Variants in HNRNPM observed in about 807,000 individuals in gnomAD.
HNRNPM encodes CEA receptor.
HNRNPM carries 11 observed loss-of-function variants against 73.1 expected under a neutral mutation model. That is an observed-to-expected ratio of 0.15 (90% CI 0.09 to 0.25). The LOEUF (loss-of-function observed/expected upper bound fraction) is 0.25. Ranked by LOEUF, HNRNPM falls within the 10% of genes least tolerant of loss-of-function variation. HNRNPM has a pLI of 1.00. For missense variants in HNRNPM, 789 were observed against 1,067.9 expected, an observed-to-expected ratio of 0.74 and a Z score of 3.64; for synonymous variants, 407 against 355.2, an observed-to-expected ratio of 1.15 and a Z score of -1.64.
intron 2 of HNRNPM, among the ~76,000 whole-genome samples, chr19:8,455,780 C>T (rs1462359184): frequency 1.3e-5 from 2 of 148,842 alleles, no homozygotes; most frequent in South Asian, 2.1e-4. Context: ...TGTGGTCATA[C>T]CCCTGTGTGT....
intron 2 of HNRNPM, among the ~76,000 whole-genome samples, chr19:8,456,005 T>C (rs1322683600): frequency 6.6e-6 from 1 of 151,612 alleles, no homozygotes; most frequent in South Asian, 2.1e-4. Flanking sequence ...TAAAATTTTG[T>C]GGATGTCTTC....
chr19:8,450,167 C>G (rs1262019980), intron 1 of HNRNPM, among the ~76,000 whole-genome samples: 1 of 152,180 alleles, frequency 6.6e-6, no homozygotes, highest in Non-Finnish European at 1.5e-5. Context: ...TGAGGGATTT[C>G]TGTGAAGAAT....
At chr19:8,459,695 A>G (rs970097641) in intron 2 of HNRNPM, among the ~76,000 whole-genome samples, 1 of 152,204 alleles carries the variant, frequency 6.6e-6, no homozygotes, top group Non-Finnish European at 1.5e-5. Context: ...ACAAAAACAA[A>G]TACTCATTTG....
intron 1 of HNRNPM, among the ~76,000 whole-genome samples, chr19:8,446,900 A>G (rs1050141584): frequency 4.6e-5 from 7 of 152,128 alleles, no homozygotes; most frequent in Admixed American, 2.6e-4. Flanking sequence ...GAATGTGTTA[A>G]TTTTGACTTT....
At chr19:8,457,428 A>T (rs2145637417) in intron 2 of HNRNPM, among the ~76,000 whole-genome samples, 1 of 152,284 alleles carries the variant, frequency 6.6e-6, no homozygotes, top group South Asian at 2.1e-4. Context: ...ACTGCTACGA[A>T]TGCCTGGGCT....
At chr19:8,471,050 CA>C in intron 9 of HNRNPM, among the ~76,000 whole-genome samples, 1 of 152,232 alleles carries the variant, frequency 6.6e-6, no homozygotes, top group East Asian at 1.9e-4. Context: ...GTTAGTGAAA[CA>C]AATAGGCTCT....
At chr19:8,463,428 A>C in intron 3 of HNRNPM, 69 bp from the exon 4 acceptor site, 2 of 1,478,054 alleles carry the variant, frequency 1.4e-6, no homozygotes, top group Non-Finnish European at 9.5e-7. Flanking sequence ...TGTCATTGAT[A>C]TTTACTATTT....
intron 1 of HNRNPM, among the ~76,000 whole-genome samples, chr19:8,454,580 G>A (rs1968859278): frequency 6.6e-6 from 1 of 151,088 alleles, no homozygotes; most frequent in African/African-American, 2.4e-5. Flanking sequence ...TCTTTTGGGT[G>A]TATACCTAGC....
At chr19:8,445,185 G>T in intron 1 of HNRNPM, 74 bp downstream of exon 1, 1 of 1,256,808 alleles carries the variant, frequency 8.0e-7, no homozygotes. Flanking sequence ...GCTCCGTTAG[G>T]TCTGTTGGCG....
At chr19:8,488,528 A>T (rs1029700911) in intron 15 of HNRNPM, 163 bp from the exon 16 acceptor site, 9 of 553,264 alleles carry the variant, frequency 1.6e-5, no homozygotes, top group Middle Eastern at 9.2e-4. Flanking sequence ...CTCTGTTAGC[A>T]GAAGAATGGC....
chr19:8,488,575 C>T (rs1971486024), intron 15 of HNRNPM, 116 bp from the exon 16 acceptor site: 1 of 846,374 alleles, frequency 1.2e-6, no homozygotes, highest in South Asian at 1.9e-5. Flanking sequence ...TGGTTCTCGC[C>T]ATTGTATTCT....
chr19:8,445,455 A>T (rs1015648133), intron 1 of HNRNPM: 2 of 209,410 alleles, frequency 9.6e-6, no homozygotes, highest in Non-Finnish European at 1.9e-5. Flanking sequence ...GCTCCCCGGG[A>T]GGGTGACCTC....
Position 8,474,109 on chromosome 19 carries a change from C to T in HNRNPM, c.1043-58C>T. 8.0e-6 allele frequency: 10 copies of T among 1,253,496 alleles called. No homozygotes were observed. The South Asian group carries it at 1.3e-4, about 17-fold the overall frequency. The allele number at this position is 1,253,496 out of a possible 1,614,324, so 77.6% of individuals were successfully genotyped here. On this transcript the variant is annotated intron_variant, in intron 11 of 15. Transcript: ENST00000325495. Reference sequence around the variant, plus strand: ...GAAACATGTGATAGAATTTTTCTTTCCCTGCTTAGTCTAAGCAGTCTTGTT... The same window carrying T: ...GAAACATGTGATAGAATTTTTCTTTTCCTGCTTAGTCTAAGCAGTCTTGTT...
chr19:8,482,386 G>A (rs1970984292), intron 12 of HNRNPM, among the ~76,000 whole-genome samples: 1 of 152,196 alleles, frequency 6.6e-6, no homozygotes, highest in Non-Finnish European at 1.5e-5. Context: ...CATAGCAAAA[G>A]ATGGACCAGA....
intron 15 of HNRNPM, chr19:8,488,453 A>T: frequency 2.3e-6 from 1 of 431,238 alleles, no homozygotes; most frequent in Non-Finnish European, 4.2e-6. Context: ...TCTTTTTTGA[A>T]CTTCCTGAAG....
chr19:8,460,911 CAA>C (rs1969353464), intron 2 of HNRNPM, among the ~76,000 whole-genome samples: 1 of 152,326 alleles, frequency 6.6e-6, no homozygotes, highest in East Asian at 1.9e-4. Flanking sequence ...GCTCTTGAAA[CAA>C]ATGGCTTTTT....
rs1212793885 is a variant in HNRNPM at position 8,462,953 on chromosome 19, T to C, written c.336+372T>C. Among the ~76,000 whole-genome samples, 2 of 152,242 alleles carry C rather than the reference T, an allele frequency of 1.3e-5. No homozygotes were observed. The highest frequency in any genetic ancestry group is 2.9e-5 in the Non-Finnish European group (2 of 68,044). ...CTAGAAAATGTTACTCTTGGTTGTT[T>C]GCTGAATTTGAAAGTTGTGTGAACC... On this transcript the variant is annotated intron_variant, in intron 3 of 15. Transcript: ENST00000325495. The surrounding 1 kb of genome is among the most constrained non-coding windows in gnomAD (Gnocchi z 4.5).
At chr19:8,474,372 CTT>C in intron 12 of HNRNPM, 128 bp downstream of exon 12, 1 of 574,260 alleles carries the variant, frequency 1.7e-6, no homozygotes, top group Non-Finnish European at 3.1e-6. Context: ...AATCAAATGT[CTT>C]TTGAATTGCC....
chr19:8,452,576 T>C (rs1366269089), intron 1 of HNRNPM, among the ~76,000 whole-genome samples: 1 of 152,158 alleles, frequency 6.6e-6, no homozygotes, highest in East Asian at 1.9e-4. Context: ...GTGAAGCCAG[T>C]CTTGTGGACT....
Sources: gnomAD v4.1 joint callset for allele counts (sites outside exome capture counted in the v4.1 genomes callset) on GRCh38, gnomAD v4.1.1 for gene constraint, Gnocchi (gnomAD v3.1) non-coding constraint, MANE v1.5 for transcripts, NCBI Gene and HGNC (gene_info 2026-07-23, HGNC 2026-07-21) for gene names.